Variants in FHIP2A observed in about 807,000 individuals in gnomAD.
FHIP2A encodes family with sequence similarity 160 member B1.
FHIP2A carries 46 observed loss-of-function variants against 93.5 expected under a neutral mutation model. That is an observed-to-expected ratio of 0.49 (90% CI 0.39 to 0.63). The LOEUF (loss-of-function observed/expected upper bound fraction) is 0.63, where lower values mean the gene tolerates loss of function less well. Ranked by LOEUF, FHIP2A falls within the 20% of genes least tolerant of loss-of-function variation. FHIP2A has a pLI of 0.00. For missense variants in FHIP2A, 769 were observed against 909.7 expected (o/e 0.85, Z 1.99); for synonymous variants, 332 against 326.5 (o/e 1.02, Z -0.18).
At chr10:114,826,647 G>A (rs2083578400) in intron 1 of FHIP2A, among the ~76,000 whole-genome samples, 1 of 152,168 alleles carries the variant, frequency 6.6e-6, no homozygotes, top group South Asian at 2.1e-4. Flanking sequence ...GAGAGGCAGA[G>A]AAGATGGGGA....
rs1180572255 is a variant in FHIP2A, at chr10:114,836,228, G to A, written c.504G>A (p.Leu168=). The A allele has an allele frequency of 6.3e-7, 1 of 1,592,278 alleles. No homozygotes were observed. Among genetic ancestry groups the A allele is most frequent in the African/African-American group, 1.3e-5 (1 of 74,642 alleles). The part of the protein sequence containing the change: ...VCAKLKQDPY[L]VNFFLENKMK... The stretch of plus-strand genomic sequence containing the variant: ...CGAAGCTGAAACAGGACCCCTACCT[G>A]GTTAACTTTTTCCTAGAGGTATGAT... Residue 168 remains leucine (L), a synonymous_variant, in exon 5 of 17, where the codon CTG becomes CTA. Transcript: ENST00000369248.
intron 7 of FHIP2A, 110 bp downstream of exon 7, chr10:114,844,047 T>A: frequency 1.4e-6 from 1 of 725,576 alleles, no homozygotes; most frequent in Non-Finnish European, 2.1e-6. Flanking sequence ...TGAACACCAC[T>A]AGTGATCATT....
intron 1 of FHIP2A, among the ~76,000 whole-genome samples, chr10:114,828,932 A>T (rs1359998009): frequency 6.6e-6 from 1 of 152,188 alleles, no homozygotes; most frequent in Non-Finnish European, 1.5e-5. Context: ...CATCTTCTTG[A>T]TTGAAACACT....
intron 2 of FHIP2A, among the ~76,000 whole-genome samples, chr10:114,832,965 C>T (rs373900335): frequency 1.4e-3 from 209 of 152,174 alleles, no homozygotes; most frequent in Non-Finnish European, 2.4e-3. Flanking sequence ...CCACCTGCCT[C>T]GGCCTCCCAA....
chr10:114,853,765 G>A (rs1047960152), intron 13 of FHIP2A, among the ~76,000 whole-genome samples: 20 of 151,742 alleles, frequency 1.3e-4, no homozygotes, highest in African/African-American at 4.6e-4. Context: ...TTGGGAGGCC[G>A]AGGCGGGCAG....
chr10:114,837,063 G>A (rs762235738), intron 5 of FHIP2A, among the ~76,000 whole-genome samples: 16 of 151,888 alleles, frequency 1.1e-4, no homozygotes, highest in Non-Finnish European at 1.3e-4. Context: ...CACCACACCT[G>A]GCTAATTTTT....
rs760236627 is a variant in FHIP2A, at chr10:114,861,589, A to G, written c.*49A>G. 1 of 1,592,930 alleles carries G rather than the reference A, an allele frequency of 6.3e-7. No homozygotes were observed. The highest frequency in any genetic ancestry group is 1.7e-5 in the Admixed American group (1 of 57,256). ...GGAACAGAACTACTGTGTACATTTC[A>G]CCAAAAAAGACTCAGTTCCACCCAG... On this transcript the variant is annotated 3_prime_UTR_variant, in exon 17 of 17. Coordinates refer to ENST00000369248, the MANE Select transcript of FHIP2A (RefSeq NM_020940.4).
chr10:114,846,817 A>G, intron 11 of FHIP2A, 89 bp downstream of exon 11: 1 of 1,211,156 alleles, frequency 8.3e-7, no homozygotes, highest in Non-Finnish European at 1.1e-6. Flanking sequence ...TATCCTCAAA[A>G]GAAATACCTC....
chr10:114,886,136 C>T (rs541356035), intron 16 of FHIP2A, among the ~76,000 whole-genome samples: 2 of 152,128 alleles, frequency 1.3e-5, no homozygotes, highest in African/African-American at 2.4e-5. Context: ...TTATGAAGAG[C>T]TAGGCATTAT....
chr10:114,854,070 G>A (rs1247649564), intron 13 of FHIP2A, among the ~76,000 whole-genome samples: 1 of 151,054 alleles, frequency 6.6e-6, no homozygotes, highest in East Asian at 1.9e-4. Context: ...TTTATTATAT[G>A]AAATAATCTT....
chr10:114,847,379 C>G, intron 12 of FHIP2A, 146 bp downstream of exon 12: 1 of 631,982 alleles, frequency 1.6e-6, no homozygotes, highest in Non-Finnish European at 2.5e-6. Context: ...ACCTCCGCCT[C>G]CTGGGTTTAA....
At chr10:114,842,818 A>T in intron 5 of FHIP2A, 115 bp from the exon 6 acceptor site, 3 of 656,456 alleles carry the variant, frequency 4.6e-6, no homozygotes, top group Non-Finnish European at 7.9e-6. Context: ...GTGACATAAC[A>T]TCTATTGCTA....
intron 5 of FHIP2A, among the ~76,000 whole-genome samples, chr10:114,840,433 C>T (rs2083662374): frequency 6.6e-6 from 1 of 152,100 alleles, no homozygotes; most frequent in Middle Eastern, 3.2e-3. Flanking sequence ...TACTGGGGAG[C>T]CATTAACTAT....
Position 114,847,222 on chromosome 10 carries a change from A to G in FHIP2A, c.1701A>G (p.Lys567=). The change falls in exon 12 of 17, where the codon AAA becomes AAG. Residue 567 remains lysine (K), a synonymous_variant. Coordinates refer to ENST00000369248, the MANE Select transcript of FHIP2A (RefSeq NM_020940.4). ...ATGATGGAAAAACTGAAGTTCATAA[A>G]ATTGTAAATAGGTGAGTTGCTATAT... ...PKNDGKTEVH[K]IVNSFLCLVP... The G allele has an allele frequency of 6.2e-7, 1 of 1,608,034 alleles. No individual in the cohort carries two copies. The highest frequency in any genetic ancestry group is 8.5e-7 in the Non-Finnish European group (1 of 1,178,498).
At position 114,821,907 on chromosome 10, in the gene FHIP2A, C is replaced by T; in HGVS notation, c.-172C>T. 1 of 325,512 alleles carries T rather than the reference C, an allele frequency of 3.1e-6. No individual in the cohort carries two copies. The highest frequency in any genetic ancestry group is 5.6e-6 in the Non-Finnish European group (1 of 180,036). 20.2% of individuals were successfully genotyped at this position (325,512 alleles called of 1,614,324 possible). ...CCCTCCGGAGCCGCCGAGCCGCCCG[C>T]GCACACCTGAAGCGGCCGGGCCAGG... On this transcript the variant is annotated 5_prime_UTR_variant, in exon 1 of 17. Coordinates refer to ENST00000369248, the MANE Select transcript of FHIP2A (RefSeq NM_020940.4).
intron 16 of FHIP2A, among the ~76,000 whole-genome samples, chr10:114,890,755 A>G (rs1198383517): frequency 6.7e-6 from 1 of 148,508 alleles, no homozygotes; most frequent in African/African-American, 2.5e-5. Context: ...TGACATACAT[A>G]TAGTATATAA....
intron 16 of FHIP2A, among the ~76,000 whole-genome samples, chr10:114,883,343 G>A (rs531748538): frequency 1.2e-4 from 18 of 152,084 alleles, no homozygotes; most frequent in African/African-American, 3.9e-4. Context: ...TCATATCCAC[G>A]TGTCTTCTCT....
Position 114,872,004 on chromosome 10 carries a change from C to T in FHIP2A, c.2192+10670C>T, listed in dbSNP as rs77973709. Among the ~76,000 whole-genome samples the T allele has an allele frequency of 2.3e-3, 347 of 152,284 alleles. 13 individuals carry two copies. In the East Asian group the frequency reaches 0.06, roughly 27 times the overall value. On this transcript the variant is annotated intron_variant, in intron 16 of 16. Transcript: ENST00000369250. ...CAGTAAGTCCAGACTCTGATAAGTC[C>T]GCCCAAGTCCATACGTTGGCCTGAT...
At chr10:114,877,774 A>G (rs534446467) in intron 16 of FHIP2A, among the ~76,000 whole-genome samples, 10 of 152,298 alleles carry the variant, frequency 6.6e-5, no homozygotes, top group Admixed American at 3.3e-4. Flanking sequence ...CAAAGGATCA[A>G]TGGTTGAGAA....
Sources: gnomAD v4.1 joint callset for allele counts (sites outside exome capture counted in the v4.1 genomes callset) on GRCh38, gnomAD v4.1.1 for gene constraint, MANE v1.5 for transcripts, NCBI Gene and HGNC (gene_info 2026-07-23, HGNC 2026-07-21) for gene names.